CD96: variants seen among roughly 807,000 people sequenced by gnomAD.
CD96 encodes the protein CD96 molecule, also known as T-cell surface protein tactile.
A neutral mutation model predicts 71.3 loss-of-function variants in CD96; 70 were observed. That is an observed-to-expected ratio of 0.98 (90% CI 0.81 to 1.20). CD96 has a LOEUF of 1.20. Ranked by LOEUF, CD96 falls within the 50% of genes most tolerant of loss-of-function variation. The pLI, the probability that CD96 is intolerant of heterozygous loss-of-function variation, is 0.00. For missense variants in CD96, 742 were observed against 677.5 expected (o/e 1.10, Z -1.06); for synonymous variants, 248 against 233.0 (o/e 1.06, Z -0.59).
chr3:111,595,004 C>T (rs1291493141), intron 5 of CD96: 1 of 167,070 alleles, frequency 6.0e-6, no homozygotes, highest in Non-Finnish European at 1.5e-5. Context: ...TTCACAAACA[C>T]AGCGTTGCCT....
chr3:111,649,566 A>G (rs1159706621), intron 13 of CD96, 132 bp from the exon 14 acceptor site: 1 of 738,546 alleles, frequency 1.4e-6, no homozygotes. Flanking sequence ...AAAAATGCTG[A>G]AAGAACTGGG....
chr3:111,552,876 A>C (rs1385336549), intron 2 of CD96, among the ~76,000 whole-genome samples: 3 of 152,200 alleles, frequency 2.0e-5, no homozygotes, highest in African/African-American at 7.2e-5. Flanking sequence ...AACTCTAAAC[A>C]ATATACAAAA....
At position 111,585,376 on chromosome 3, in the gene CD96, G is replaced by C. The variant is rs750693305; in HGVS notation, c.805G>C (p.Glu269Gln). The C allele has an allele frequency of 3.1e-6, 5 of 1,599,034 alleles. No individual in the cohort carries two copies. The highest frequency in any genetic ancestry group is 4.3e-6 in the Non-Finnish European group (5 of 1,166,474). The change falls in exon 5 of 14, where the codon GAG becomes CAG. Residue 269 changes from glutamate to glutamine, a missense_variant and splice_region_variant. Glu to Gln is a conservative substitution (Grantham distance 29). Transcript: ENST00000352690. ...AAATAACTCCACGGATGTCTTGGTA[G>C]AGGTGAGTCACATAAAAGCCTTTGA... ...VENNSTDVLVERRFTCLLKNV... is the reference protein window; with the variant it reads ...VENNSTDVLVQRRFTCLLKNV...
rs550275704 is a variant in CD96 at position 111,589,072 on chromosome 3, T to C, written c.807+3694T>C. ...TTCACGCTATTCTCCTGCCTCAGCC[T>C]CCTGAGTAGCTGGGATTACAGGCGC... On this transcript the variant is annotated intron_variant, in intron 5 of 13. Coordinates refer to ENST00000352690, the MANE Select transcript of CD96 (RefSeq NM_005816.5). 5.6e-3 allele frequency among the ~76,000 whole-genome samples: 847 copies of C among 151,718 alleles called. 5 individuals carry two copies. Among genetic ancestry groups the C allele is most frequent in the African/African-American group, 0.02 (813 of 41,382 alleles).
chr3:111,598,608 C>T (rs998890044), intron 6 of CD96, among the ~76,000 whole-genome samples: 8 of 152,100 alleles, frequency 5.3e-5, no homozygotes, highest in East Asian at 3.8e-4. Context: ...AACTTAGCAC[C>T]GCTGCTTTAA....
downstream of CD96, among the ~76,000 whole-genome samples, chr3:111,656,624 T>C (rs1196953484): frequency 8.5e-5 from 13 of 152,112 alleles, no homozygotes; most frequent in Admixed American, 7.9e-4. Flanking sequence ...ATATAGGAGA[T>C]TGGTTGAATA....
At chr3:111,580,758 C>A (rs1467454485) in intron 4 of CD96, among the ~76,000 whole-genome samples, 2 of 152,120 alleles carry the variant, frequency 1.3e-5, no homozygotes, top group African/African-American at 4.8e-5. Flanking sequence ...TGATCAGGTT[C>A]CTTACGGAGC....
chr3:111,643,661 A>T (rs1308489951), intron 12 of CD96, among the ~76,000 whole-genome samples: 1 of 151,790 alleles, frequency 6.6e-6, no homozygotes, highest in East Asian at 1.9e-4. Context: ...TACACAAATC[A>T]GTAGCTCATC....
In CD96 at chr3:111,542,304, T is replaced by C. The variant is rs959894346; in HGVS notation, c.56T>C (p.Val19Ala). 1 of 1,613,606 alleles carries C rather than the reference T, an allele frequency of 6.2e-7. No homozygotes were observed. The highest frequency in any genetic ancestry group is 1.7e-5 in the Admixed American group (1 of 60,018). Residue 19 changes from valine (V) to alanine (A), a missense_variant, in exon 1 of 14, where the codon GTC becomes GCC. Coordinates refer to ENST00000352690, the MANE Select transcript of CD96 (RefSeq NM_005816.5). Reference sequence around the variant, plus strand: ...TATTACATCATCCAGATACATTTTGTCAAGGGTAAGACTTCCAGTTGTCCC... The same window carrying C: ...TATTACATCATCCAGATACATTTTGCCAAGGGTAAGACTTCCAGTTGTCCC... ...AVYYIIQIHF[V>A]KGVWEKTVNT...
intron 10 of CD96, among the ~76,000 whole-genome samples, chr3:111,629,140 C>A (rs1185063552): frequency 2.9e-4 from 44 of 152,160 alleles, no homozygotes; most frequent in Admixed American, 2.9e-3. Context: ...ATCATGATTA[C>A]AGGATCAAAT....
intron 3 of CD96, among the ~76,000 whole-genome samples, chr3:111,568,796 T>C (rs570313856): frequency 1.3e-5 from 2 of 152,328 alleles, no homozygotes; most frequent in Non-Finnish European, 2.9e-5. Flanking sequence ...ATAACTTTAA[T>C]GTTAGTCAAC....
chr3:111,645,024 G>T lies in CD96; in HGVS notation c.1478-2519G>T, dbSNP rs1939763753. Among the ~76,000 whole-genome samples the T allele has an allele frequency of 2.0e-5, 3 of 152,092 alleles. No individual in the cohort carries two copies. In the South Asian group the frequency reaches 6.2e-4, roughly 32 times the overall value. On this transcript the variant is annotated intron_variant, in intron 12 of 13. Coordinates refer to ENST00000352690, the MANE Select transcript of CD96 (RefSeq NM_005816.5). ...TCCCACTACTGGATATCTGCCCAGAGGAAAAGAAGTCATTATTCGAAAAAG... is the reference window on the plus strand; with the variant it reads ...TCCCACTACTGGATATCTGCCCAGATGAAAAGAAGTCATTATTCGAAAAAG...
At chr3:111,568,062 C>G (rs1285064054) in intron 3 of CD96, among the ~76,000 whole-genome samples, 1 of 152,136 alleles carries the variant, frequency 6.6e-6, no homozygotes, top group Non-Finnish European at 1.5e-5. Context: ...TGGGAAATAT[C>G]CAACATTGGG....
At chr3:111,614,480 C>T (rs1436685089) in intron 8 of CD96, among the ~76,000 whole-genome samples, 1 of 152,206 alleles carries the variant, frequency 6.6e-6, no homozygotes, top group East Asian at 1.9e-4. Flanking sequence ...AAATCCCTGA[C>T]TGTCCTATGG....
intron 12 of CD96, among the ~76,000 whole-genome samples, chr3:111,644,817 A>G (rs1008297425): frequency 6.6e-6 from 1 of 152,220 alleles, no homozygotes; most frequent in Non-Finnish European, 1.5e-5. Flanking sequence ...TGACAATGCG[A>G]TACCACCTTA....
chr3:111,571,033 TG>T (rs995917102), intron 3 of CD96: 1 of 1,306,068 alleles, frequency 7.7e-7, no homozygotes, highest in African/African-American at 1.5e-5. Context: ...GTCAGCGGCT[TG>T]TAGGAGGGAG....
chr3:111,600,517 C>T (rs76828619), intron 6 of CD96, among the ~76,000 whole-genome samples: 1 of 152,174 alleles, frequency 6.6e-6, no homozygotes, highest in East Asian at 1.9e-4. Context: ...ATTTTATACC[C>T]TGACCATGGA....
At chr3:111,632,568 C>T (rs1939121974) in intron 10 of CD96, among the ~76,000 whole-genome samples, 1 of 152,166 alleles carries the variant, frequency 6.6e-6, no homozygotes, top group African/African-American at 2.4e-5. Flanking sequence ...GGCGATTCCT[C>T]AAAGACCTAG....
At chr3:111,659,612 A>T (rs1321689321) in intron 14 of CD96, among the ~76,000 whole-genome samples, 1 of 152,172 alleles carries the variant, frequency 6.6e-6, no homozygotes, top group Non-Finnish European at 1.5e-5. Context: ...ATTCAGGAGG[A>T]AGTTCTTTAA....
Sources: allele counts gnomAD v4.1 joint callset (sites outside exome capture counted in the v4.1 genomes callset), GRCh38; gene constraint gnomAD v4.1.1; transcripts MANE v1.5; gene names NCBI Gene and HGNC (gene_info 2026-07-23, HGNC 2026-07-21).